The following NBEA variants were observed in gnomAD, a reference collection of about 807,000 sequenced individuals.
The protein encoded by NBEA is neurobeachin.
Under a neutral mutation model 343.4 loss-of-function variants are expected in NBEA, and 44 were observed. The ratio of observed to expected loss-of-function variants is 0.13; its 90% CI spans 0.10 to 0.16. The LOEUF (loss-of-function observed/expected upper bound fraction) is 0.16. NBEA is among the 10% of genes least tolerant of loss of function. The pLI is 1.00. For synonymous variants in NBEA, 1,175 were observed against 1,238.7 expected (o/e 0.95, Z 1.08); for missense variants, 2,555 against 3,631.3 (o/e 0.70, Z 7.62).
At chr13:35,123,677 A>G in intron 17 of NBEA, 103 bp downstream of exon 17, 1 of 562,460 alleles carries the variant, frequency 1.8e-6, no homozygotes, top group South Asian at 6.5e-5. Context: ...TGAAAAATCT[A>G]ACAGCGGAAA....
At chr13:34,971,103 CTGTAT>C (rs2059983583) in intron 1 of NBEA, among the ~76,000 whole-genome samples, 1 of 151,664 alleles carries the variant, frequency 6.6e-6, no homozygotes, top group African/African-American at 2.4e-5. Context: ...CCCTAGTTAG[CTGTAT>C]TCCCAGGTAA....
At chr13:35,354,498 A>G (rs1594325003) in intron 38 of NBEA, among the ~76,000 whole-genome samples, 2 of 152,166 alleles carry the variant, frequency 1.3e-5, no homozygotes, top group Non-Finnish European at 1.5e-5. Flanking sequence ...TAGCTAGTCA[A>G]CAACCTTTCT....
In NBEA at chr13:35,159,157, G is replaced by T; in HGVS notation, c.2986G>T (p.Gly996Cys). ...GLSSQTTGAK[G>C]GMEIREIEDL... is the part of the protein sequence containing the mutation. ...TTCATCACAGACAACAGGAGCAAAA[G>T]GTGGAATGGAAATTCGAGAGATAGA... is the stretch of plus-strand genomic sequence containing the variant. The change falls in exon 22 of 59, where the codon GGT becomes TGT. Residue 996 changes from glycine (G) to cysteine (C), a missense_variant. Gly to Cys is a radical substitution (Grantham distance 159, BLOSUM62 -3). This residue lies in a region of NBEA where 367 missense variants were observed against 377.5 expected (regional missense o/e 0.97). Coordinates refer to ENST00000379939, the MANE Select transcript of NBEA (RefSeq NM_001385012.1). The T allele has an allele frequency of 6.2e-7, 1 of 1,613,510 alleles. No homozygotes were observed. Among genetic ancestry groups the T allele is most frequent in the East Asian group, 2.2e-5 (1 of 44,838 alleles).
At chr13:35,454,123 A>C (rs893758163) in intron 40 of NBEA, among the ~76,000 whole-genome samples, 7 of 152,158 alleles carry the variant, frequency 4.6e-5, no homozygotes, top group African/African-American at 1.7e-4. Flanking sequence ...TACTCTGTAG[A>C]GTTCATTTTA....
At chr13:35,047,337 T>C (rs2062896244) in intron 4 of NBEA, among the ~76,000 whole-genome samples, 1 of 151,894 alleles carries the variant, frequency 6.6e-6, no homozygotes, top group South Asian at 2.1e-4. Flanking sequence ...TCCTTACTCT[T>C]GAAGAACTCT....
At chr13:35,451,326 T>C (rs2046301957) in intron 39 of NBEA, among the ~76,000 whole-genome samples, 1 of 152,140 alleles carries the variant, frequency 6.6e-6, no homozygotes, top group Non-Finnish European at 1.5e-5. Context: ...GGTTTCACCG[T>C]GTTAACCAGG....
At chr13:35,062,410 A>G (rs2063499853) in intron 8 of NBEA, among the ~76,000 whole-genome samples, 3 of 151,712 alleles carry the variant, frequency 2.0e-5, no homozygotes, top group Admixed American at 6.6e-5. Context: ...TATAAGAGAA[A>G]GCCAGAAAAA....
At chr13:35,119,638 T>G (rs952119968) in intron 16 of NBEA, among the ~76,000 whole-genome samples, 3 of 152,286 alleles carry the variant, frequency 2.0e-5, no homozygotes, top group African/African-American at 7.2e-5. Flanking sequence ...GAGTGCAGTG[T>G]GCAGTGGCGC....
chr13:35,400,679 A>T (rs1258117632), intron 38 of NBEA, among the ~76,000 whole-genome samples: 2 of 151,968 alleles, frequency 1.3e-5, no homozygotes, highest in African/African-American at 4.8e-5. Flanking sequence ...AATGAATTTT[A>T]TATTATTCCA....
chr13:35,313,218 T>C (rs2037486939), intron 36 of NBEA, among the ~76,000 whole-genome samples: 1 of 152,214 alleles, frequency 6.6e-6, no homozygotes, highest in Admixed American at 6.5e-5. Context: ...TCTTATATAG[T>C]TGTTACACTC....
intron 47 of NBEA, among the ~76,000 whole-genome samples, chr13:35,597,938 T>C (rs1401871011): frequency 6.6e-6 from 1 of 152,202 alleles, no homozygotes; most frequent in Admixed American, 6.5e-5. Flanking sequence ...GAGGGATTAC[T>C]GTGCCCACCT....
At chr13:35,442,501 C>G (rs1253777211) in intron 39 of NBEA, among the ~76,000 whole-genome samples, 5 of 152,066 alleles carry the variant, frequency 3.3e-5, no homozygotes, top group Non-Finnish European at 7.4e-5. Context: ...TATGGTTTAT[C>G]AAATTTTCTT....
intron 1 of NBEA, among the ~76,000 whole-genome samples, chr13:34,974,754 G>A (rs1288463398): frequency 6.6e-6 from 1 of 152,158 alleles, no homozygotes; most frequent in Non-Finnish European, 1.5e-5. Flanking sequence ...CAGATGAGTT[G>A]CTAGTATCAT....
intron 39 of NBEA, among the ~76,000 whole-genome samples, chr13:35,445,161 A>C (rs1201217688): frequency 1.3e-5 from 2 of 152,136 alleles, no homozygotes; most frequent in Admixed American, 6.6e-5. Context: ...CTCATGCTTT[A>C]TCTTGAGTTT....
At chr13:35,439,678 T>C (rs2045629339) in intron 39 of NBEA, among the ~76,000 whole-genome samples, 1 of 152,184 alleles carries the variant, frequency 6.6e-6, no homozygotes, top group African/African-American at 2.4e-5. Flanking sequence ...CATGTATACA[T>C]ATGTAACAAA....
chr13:35,251,493 C>T (rs757601822), intron 34 of NBEA: 14 of 1,093,526 alleles, frequency 1.3e-5, no homozygotes, highest in Non-Finnish European at 1.6e-5. Context: ...TGAGTGATGA[C>T]CTTGTGGAGT....
Position 35,568,728 on chromosome 13 carries a change from T to C in NBEA, c.7035+1711T>C, listed in dbSNP as rs75864849. 1.9e-4 allele frequency among the ~76,000 whole-genome samples: 29 copies of C among 152,236 alleles called. No homozygotes were observed. The East Asian group carries it at 5.4e-3, about 28-fold the overall frequency. On this transcript the variant is annotated intron_variant, in intron 45 of 58. Coordinates refer to ENST00000379939, the MANE Select transcript of NBEA (RefSeq NM_001385012.1). ...AATATATACATTATATACTTACCAG[T>C]TGAGCATCCCTAATCTGAAAACCCA...
chr13:35,511,728 A>G (rs1249656387), intron 41 of NBEA, among the ~76,000 whole-genome samples: 3 of 152,188 alleles, frequency 2.0e-5, no homozygotes, highest in Admixed American at 6.5e-5. Flanking sequence ...TCTTCAAAGA[A>G]GTTATATAAT....
At chr13:35,231,505 T>G (rs967331125) in intron 33 of NBEA, among the ~76,000 whole-genome samples, 1 of 152,110 alleles carries the variant, frequency 6.6e-6, no homozygotes, top group Non-Finnish European at 1.5e-5. Flanking sequence ...TGTAGAAGAA[T>G]GTGTACTCAT....
Sources: gnomAD v4.1 joint callset for allele counts (sites outside exome capture counted in the v4.1 genomes callset) on GRCh38, gnomAD v4.1.1 for gene constraint, gnomAD v4.1.1 regional missense constraint, MANE v1.5 for transcripts, NCBI Gene and HGNC (gene_info 2026-07-23, HGNC 2026-07-21) for gene names.